The following LRP4 variants were observed in gnomAD, a reference collection of about 807,000 sequenced individuals.
LRP4 encodes the protein low-density lipoprotein receptor-related protein 4.
A neutral mutation model predicts 220.3 loss-of-function variants in LRP4; 95 were observed. The observed-to-expected ratio is 0.43, with a 90% CI of 0.37 to 0.51. LRP4 has a LOEUF of 0.51. Among genes scored for constraint, LRP4 ranks in the 20% least tolerant of loss-of-function variants. The pLI is 0.00. For missense variants in LRP4, 1,925 were observed against 2,567.0 expected (o/e 0.75, Z 5.40); for synonymous variants, 903 against 954.6 (o/e 0.95, Z 1.00).
chr11:46,911,064 A>C (rs1362529338), intron 1 of LRP4, among the ~76,000 whole-genome samples: 4 of 152,204 alleles, frequency 2.6e-5, no homozygotes, highest in Admixed American at 2.6e-4. Flanking sequence ...CAATTAAGAA[A>C]TGGATTAGCT....
chr11:46,896,806 T>C, intron 8 of LRP4, 63 bp downstream of exon 8: 2 of 1,611,840 alleles, frequency 1.2e-6, no homozygotes, highest in Non-Finnish European at 1.7e-6. Context: ...CAAAGCACCC[T>C]CTTTTCCACC....
chr11:46,858,409 C>A lies in LRP4; in HGVS notation c.*574G>T, dbSNP rs1416775888. Reference sequence around the variant, plus strand: ...CAGCAATGGACCAGACACCCAGATCCAACTACCCCCCAAAGCTTTTTCATG... The same window carrying A: ...CAGCAATGGACCAGACACCCAGATCAAACTACCCCCCAAAGCTTTTTCATG... On this transcript the variant is annotated 3_prime_UTR_variant, in exon 38 of 38. Coordinates refer to ENST00000378623, the MANE Select transcript of LRP4 (RefSeq NM_002334.4). The A allele has an allele frequency of 1.1e-5, 2 of 176,522 alleles. No individual in the cohort carries two copies. Among genetic ancestry groups the A allele is most frequent in the Admixed American group, 5.4e-5 (1 of 18,652 alleles). The allele number at this position is 176,522 out of a possible 1,614,324, so 10.9% of individuals were successfully genotyped here.
At chr11:46,909,611 C>CAAA (rs71042636) in intron 1 of LRP4, among the ~76,000 whole-genome samples, 3,243 of 46,034 alleles carry the variant, frequency 0.07, 1,135 homozygotes, top group Middle Eastern at 0.16. Flanking sequence ...GACTCCGTCT[C>CAAA]AAAAAAAAAA....
rs200514161 is a variant in LRP4 at position 46,859,145 on chromosome 11, G to A, written c.5556C>T (p.Ala1852=). The change falls in exon 38 of 38, where the codon GCC becomes GCT. Residue 1852 remains alanine (A), a synonymous_variant. Transcript: ENST00000378623. ...CMKTDTVSIQ[A]SSGSLDDTET... is the part of the protein sequence containing the mutation. The stretch of plus-strand genomic sequence containing the variant: ...CTGTGTCATCCAGGGAGCCAGAGCT[G>A]GCCTGGATGGACACCGTGTCTGTCT... The A allele has an allele frequency of 4.9e-5, 79 of 1,614,166 alleles. 1 individual carries two copies. The Middle Eastern group carries it at 9.9e-4, about 20-fold the overall frequency.
intron 20 of LRP4, among the ~76,000 whole-genome samples, chr11:46,879,547 C>A (rs185459851): frequency 3.6e-4 from 55 of 152,352 alleles, no homozygotes; most frequent in Non-Finnish European, 7.2e-4. Flanking sequence ...TGGAAGTCAT[C>A]TATTACTCAC....
At chr11:46,914,788 A>G (rs1941921638) in intron 1 of LRP4, among the ~76,000 whole-genome samples, 1 of 152,134 alleles carries the variant, frequency 6.6e-6, no homozygotes, top group Non-Finnish European at 1.5e-5. Context: ...AAAAGACAAG[A>G]TTACTTCTTA....
chr11:46,890,540 T>A lies in LRP4; in HGVS notation c.1698-46A>T, dbSNP rs1465361417. On this transcript the variant is annotated intron_variant, in intron 13 of 37. Transcript: ENST00000378623. The surrounding 1 kb of genome is among the most constrained non-coding windows in gnomAD (Gnocchi z 5.3). Reference sequence around the variant, plus strand: ...TGGGAAGTGGGCAGCAGAAAACAGGTAGGTAACCAGGAGAATAATCAGGTA... The same window carrying A: ...TGGGAAGTGGGCAGCAGAAAACAGGAAGGTAACCAGGAGAATAATCAGGTA... The A allele has an allele frequency of 5.9e-6, 8 of 1,349,222 alleles. No individual in the cohort carries two copies. The highest frequency in any genetic ancestry group is 8.5e-6 in the Non-Finnish European group (8 of 946,164). The allele number at this position is 1,349,222 out of a possible 1,614,324, so 83.6% of individuals were successfully genotyped here.
chr11:46,914,240 A>G (rs984843677), intron 1 of LRP4, among the ~76,000 whole-genome samples: 1 of 152,152 alleles, frequency 6.6e-6, no homozygotes, highest in African/African-American at 2.4e-5. Context: ...CCTGAGGTTC[A>G]GGGAGATTTT....
rs2134776744 is a variant in LRP4, at chr11:46,868,712, C to T, written c.4839G>A (p.Gly1613=). ...CATTGTTCACACCACAGGCATTGGT[C>T]CCTGGAGGCAAAGTAGATGAATGTC... is the stretch of plus-strand genomic sequence containing the variant. ...IIVVSPQRQT[G]TNACGVNNGG... is the part of the protein sequence containing the mutation. Residue 1613 remains glycine (G), a splice_region_variant and synonymous_variant, in exon 33 of 38, where the codon GGG becomes GGA. Transcript: ENST00000378623. The T allele has an allele frequency of 6.2e-7, 1 of 1,606,882 alleles. No individual in the cohort carries two copies.
chr11:46,862,261 T>C (rs1341760959), intron 37 of LRP4, among the ~76,000 whole-genome samples: 1 of 152,114 alleles, frequency 6.6e-6, no homozygotes, highest in African/African-American at 2.4e-5. Context: ...GAGAGCTCCC[T>C]TGTTTCAGAA....
intron 1 of LRP4, among the ~76,000 whole-genome samples, chr11:46,917,371 C>G (rs1941962229): frequency 6.6e-6 from 1 of 152,198 alleles, no homozygotes; most frequent in Non-Finnish European, 1.5e-5. Context: ...GTTCTTTGAT[C>G]TCTGGGCACA....
intron 31 of LRP4, among the ~76,000 whole-genome samples, chr11:46,870,986 T>C (rs1410857151): frequency 6.6e-6 from 1 of 152,190 alleles, no homozygotes; most frequent in Non-Finnish European, 1.5e-5. Context: ...AGTTCAAAGT[T>C]ACACAGTTAT....
At chr11:46,896,396 G>C in intron 8 of LRP4, 61 bp from the exon 9 acceptor site, 1 of 1,597,474 alleles carries the variant, frequency 6.3e-7, no homozygotes, top group Non-Finnish European at 8.5e-7. Flanking sequence ...AGAGATGGGA[G>C]CCTGTCATTT....
intron 1 of LRP4, among the ~76,000 whole-genome samples, chr11:46,908,849 C>T (rs561553591): frequency 6.6e-6 from 1 of 152,340 alleles, no homozygotes; most frequent in African/African-American, 2.4e-5. Flanking sequence ...TGCAATTTCT[C>T]TTTAGTTTGT....
intron 1 of LRP4, among the ~76,000 whole-genome samples, chr11:46,904,331 T>C (rs1019884526): frequency 4.6e-5 from 7 of 152,174 alleles, no homozygotes; most frequent in African/African-American, 1.7e-4. Flanking sequence ...ACATTATAAT[T>C]CCTTGGCCTA....
chr11:46,894,193 G>GT lies in LRP4; in HGVS notation c.1540+395dup, dbSNP rs952852568. 2.4e-4 allele frequency among the ~76,000 whole-genome samples: 36 copies of GT among 152,138 alleles called. 1 individual carries two copies. In the Middle Eastern group the frequency reaches 0.017, roughly 72 times the overall value. On this transcript the variant is annotated intron_variant, in intron 12 of 37. Transcript: ENST00000378623. Reference sequence around the variant, plus strand: ...AGGCGTGAGCCACCGTGCCTGGCCTGTTTTTTTAACAATCTATAAAACATT... The same window carrying GT: ...AGGCGTGAGCCACCGTGCCTGGCCTGTTTTTTTTAACAATCTATAAAACATT...
intron 7 of LRP4, 119 bp downstream of exon 7, chr11:46,898,439 G>T: frequency 2.9e-6 from 4 of 1,392,082 alleles, no homozygotes; most frequent in Admixed American, 1.7e-5. Context: ...ACCCACCTTG[G>T]TCTCCCAAAG....
Position 46,898,683 on chromosome 11 carries a change from G to A in LRP4, c.677-6C>T. On this transcript the variant is annotated splice_polypyrimidine_tract_variant and splice_region_variant and intron_variant, in intron 6 of 37. Transcript: ENST00000378623. ...GCGGCAGGGCTGGTGGGAGGCTAGG[G>A]AAACACAAGACTTCTGTCTCTAGCC... 1.9e-6 allele frequency: 3 copies of A among 1,613,864 alleles called. No individual in the cohort carries two copies. Among genetic ancestry groups the A allele is most frequent in the Non-Finnish European group, 2.5e-6 (3 of 1,180,024 alleles).
At chr11:46,889,772 G>C in intron 15 of LRP4, 172 bp downstream of exon 15, 2 of 857,382 alleles carry the variant, frequency 2.3e-6, no homozygotes, top group Non-Finnish European at 3.7e-6. Flanking sequence ...CGTGAATCTT[G>C]TTGTACTGCC....
Sources: allele counts gnomAD v4.1 joint callset (sites outside exome capture counted in the v4.1 genomes callset), GRCh38; gene constraint gnomAD v4.1.1; non-coding constraint Gnocchi (gnomAD v3.1); transcripts MANE v1.5; gene names NCBI Gene and HGNC (gene_info 2026-07-23, HGNC 2026-07-21).